The following PCP4 variants were observed in gnomAD, a reference collection of about 807,000 sequenced individuals.
PCP4 encodes the protein calmodulin regulator protein PCP4.
Under a neutral mutation model 10.0 loss-of-function variants are expected in PCP4, and 8 were observed. The ratio of observed to expected loss-of-function variants is 0.80; its 90% CI spans 0.47 to 1.45. The LOEUF (loss-of-function observed/expected upper bound fraction) is 1.45. PCP4 is among the 40% of genes most tolerant of loss of function. The pLI, the probability that PCP4 is intolerant of heterozygous loss-of-function variation, is 0.00. For synonymous variants in PCP4, 21 were observed against 23.0 expected (o/e 0.91, Z 0.24); for missense variants, 54 against 74.4 (o/e 0.73, Z 1.01).
At chr21:39,901,095 A>G (rs2087480463) in intron 2 of PCP4, among the ~76,000 whole-genome samples, 1 of 152,174 alleles carries the variant, frequency 6.6e-6, no homozygotes, top group Admixed American at 6.5e-5. Flanking sequence ...GGACAGCTGG[A>G]TTTTCATACT....
At chr21:39,891,350 C>T (rs1253687721) in intron 1 of PCP4, among the ~76,000 whole-genome samples, 1 of 152,200 alleles carries the variant, frequency 6.6e-6, no homozygotes, top group Non-Finnish European at 1.5e-5. Context: ...TCACCTCCAC[C>T]TCCACCCCTT....
intron 1 of PCP4, among the ~76,000 whole-genome samples, chr21:39,896,324 T>C (rs931635191): frequency 2.0e-5 from 3 of 152,224 alleles, no homozygotes; most frequent in African/African-American, 7.2e-5. Context: ...CATCTATGAA[T>C]TATGCAGGGA....
intron 2 of PCP4, among the ~76,000 whole-genome samples, chr21:39,905,308 G>A (rs919245047): frequency 6.6e-6 from 1 of 152,132 alleles, no homozygotes; most frequent in Admixed American, 6.5e-5. Flanking sequence ...GGTCCTTTGT[G>A]CTTTCGGCTC....
intron 2 of PCP4, among the ~76,000 whole-genome samples, chr21:39,927,765 A>G (rs921030592): frequency 1.3e-5 from 2 of 152,072 alleles, no homozygotes; most frequent in Non-Finnish European, 2.9e-5. Flanking sequence ...AGCTAACTCC[A>G]AGGCCTCCTT....
chr21:39,868,427 A>G (rs1255650774), intron 1 of PCP4, among the ~76,000 whole-genome samples: 1 of 152,190 alleles, frequency 6.6e-6, no homozygotes, highest in Admixed American at 6.5e-5. Flanking sequence ...CCCTGCTTTT[A>G]TCTCTCTGAT....
intron 2 of PCP4, among the ~76,000 whole-genome samples, chr21:39,900,439 A>G (rs1601181177): frequency 6.6e-6 from 1 of 151,966 alleles, no homozygotes; most frequent in South Asian, 2.1e-4. Context: ...TCATGCTGGA[A>G]CCCTACTGAC....
At chr21:39,879,297 T>C (rs181677369) in intron 1 of PCP4, among the ~76,000 whole-genome samples, 3 of 152,120 alleles carry the variant, frequency 2.0e-5, no homozygotes, top group African/African-American at 7.2e-5. Flanking sequence ...GCCAAGAAAG[T>C]TTCTTAAAAT....
At chr21:39,920,831 T>C (rs1266813970) in intron 2 of PCP4, among the ~76,000 whole-genome samples, 5 of 152,212 alleles carry the variant, frequency 3.3e-5, no homozygotes, top group African/African-American at 1.2e-4. Flanking sequence ...GGAAGTGCTA[T>C]TTCCCACCAT....
In PCP4 at chr21:39,905,489, A is replaced by C. The variant is rs79798376; in HGVS notation, c.61+6962A>C. 3.3e-3 allele frequency among the ~76,000 whole-genome samples: 501 copies of C among 152,324 alleles called. 1 individual carries two copies. The highest frequency in any genetic ancestry group is 0.011 in the African/African-American group (460 of 41,578). On this transcript the variant is annotated intron_variant, in intron 2 of 2. Transcript: ENST00000328619. ...AGTCAATGGGTGATATTGCTCAACAAGTGAGCTGATTCTGCCTGAAGGTTA... is the reference window on the plus strand; with the variant it reads ...AGTCAATGGGTGATATTGCTCAACACGTGAGCTGATTCTGCCTGAAGGTTA...
chr21:39,888,870 T>C (rs567707651), intron 1 of PCP4, among the ~76,000 whole-genome samples: 1 of 152,350 alleles, frequency 6.6e-6, no homozygotes, highest in Non-Finnish European at 1.5e-5. Flanking sequence ...CCGTGACTTT[T>C]TCTCCTGACA....
chr21:39,914,782 A>G (rs1356727786), intron 2 of PCP4, among the ~76,000 whole-genome samples: 1 of 152,138 alleles, frequency 6.6e-6, no homozygotes, highest in African/African-American at 2.4e-5. Flanking sequence ...ACTGTATGAA[A>G]TTCTCTATGG....
In PCP4 at chr21:39,875,872, A is replaced by G. The variant is rs150039576; in HGVS notation, c.9+8362A>G. Among the ~76,000 whole-genome samples the G allele has an allele frequency of 7.2e-3, 1,097 of 152,254 alleles. 13 individuals are homozygous for G. The highest frequency in any genetic ancestry group is 0.025 in the African/African-American group (1,042 of 41,550). On this transcript the variant is annotated intron_variant, in intron 1 of 2. Transcript: ENST00000328619. ...GTTAATCATTAAAGGAAGGGTAAGG[A>G]AATCTGTAATTCCAATAGACTTTTT... is the stretch of plus-strand genomic sequence containing the variant.
chr21:39,870,328 T>C (rs1470549053), intron 1 of PCP4, among the ~76,000 whole-genome samples: 3 of 152,216 alleles, frequency 2.0e-5, no homozygotes, highest in Non-Finnish European at 4.4e-5. Flanking sequence ...TGTGGGGGTG[T>C]CTGATTTACA....
chr21:39,869,148 G>A (rs2087307687), intron 1 of PCP4, among the ~76,000 whole-genome samples: 1 of 152,194 alleles, frequency 6.6e-6, no homozygotes, highest in South Asian at 2.1e-4. Context: ...TTAGAAAGCA[G>A]CACAGCACTG....
chr21:39,881,073 G>A (rs778415357), intron 1 of PCP4, among the ~76,000 whole-genome samples: 13 of 152,088 alleles, frequency 8.5e-5, no homozygotes, highest in Non-Finnish European at 1.9e-4. Flanking sequence ...TGATCAAATG[G>A]CCCATATAAC....
chr21:39,920,131 G>A (rs1275686084), intron 2 of PCP4, among the ~76,000 whole-genome samples: 1 of 148,240 alleles, frequency 6.7e-6, no homozygotes, highest in African/African-American at 2.5e-5. Flanking sequence ...GTTTGTGTGT[G>A]TGGTGTGTGT....
intron 2 of PCP4, among the ~76,000 whole-genome samples, chr21:39,912,312 G>T (rs1027680500): frequency 1.6e-5 from 2 of 121,774 alleles, no homozygotes; most frequent in South Asian, 2.9e-4. Flanking sequence ...CTTTTGAAAG[G>T]TTTTTTTTTT....
chr21:39,924,193 C>G (rs960809281), intron 2 of PCP4, among the ~76,000 whole-genome samples: 6 of 152,338 alleles, frequency 3.9e-5, no homozygotes, highest in Non-Finnish European at 7.3e-5. Flanking sequence ...GTCCCCTTCA[C>G]TGGCCTTTGC....
chr21:39,916,540 T>C (rs1291255336), intron 2 of PCP4, among the ~76,000 whole-genome samples: 3 of 152,218 alleles, frequency 2.0e-5, no homozygotes, highest in Non-Finnish European at 4.4e-5. Flanking sequence ...TCAACCATTG[T>C]GGAAGACAGT....
Sources: allele counts gnomAD v4.1 joint callset (sites outside exome capture counted in the v4.1 genomes callset), GRCh38; gene constraint gnomAD v4.1.1; transcripts MANE v1.5; gene names NCBI Gene and HGNC (gene_info 2026-07-23, HGNC 2026-07-21).